The following RNF213 variants were observed in gnomAD, a reference collection of about 807,000 sequenced individuals.
The protein encoded by RNF213 is E3 ubiquitin-protein ligase RNF213.
In RNF213, 341 loss-of-function variants were observed where a neutral mutation model predicts 514.4. The observed-to-expected ratio is 0.66, with a 90% CI of 0.61 to 0.73. The LOEUF is 0.73. Ranked by LOEUF, RNF213 falls within the 30% of genes least tolerant of loss-of-function variation. RNF213 has a pLI of 0.00. For synonymous variants in RNF213, 2,655 were observed against 2,658.2 expected, an observed-to-expected ratio of 1.00 and a Z score of 0.04; for missense variants, 5,767 against 6,615.6, an observed-to-expected ratio of 0.87 and a Z score of 4.45.
At chr17:80,307,687 T>G (rs2045417181) in intron 13 of RNF213, among the ~76,000 whole-genome samples, 2 of 152,044 alleles carry the variant, frequency 1.3e-5, no homozygotes, top group Non-Finnish European at 1.5e-5. Context: ...GTAGCTGGGA[T>G]TACAGGCGCA....
intron 56 of RNF213, 199 bp downstream of exon 56, chr17:80,381,186 T>C: frequency 3.1e-6 from 2 of 651,922 alleles, no homozygotes; most frequent in South Asian, 1.8e-5. Context: ...CTCCCCAGAT[T>C]ATACAGAATC....
In RNF213 at chr17:80,288,522, G is replaced by C; in HGVS notation, c.811-111G>C. On this transcript the variant is annotated intron_variant, in intron 4 of 67. Transcript: ENST00000582970. The surrounding 1 kb of genome is among the most constrained non-coding windows in gnomAD (Gnocchi z 4.9). ...GGAGGGCTGCCCCTCCACTGGGGAT[G>C]CCAGCCCACCCTGTCCCTCGGCTTG... The C allele has an allele frequency of 6.2e-7, 1 of 1,607,664 alleles. No individual in the cohort carries two copies. The highest frequency in any genetic ancestry group is 8.5e-7 in the Non-Finnish European group (1 of 1,176,400).
At chr17:80,318,232 TAA>T (rs140041733) in intron 16 of RNF213, among the ~76,000 whole-genome samples, 4,851 of 152,164 alleles carry the variant, frequency 0.032, 270 homozygotes, top group African/African-American at 0.11. Flanking sequence ...ATTCTATTGG[TAA>T]AAAGACATTA....
chr17:80,397,554 C>T lies in RNF213; in HGVS notation c.*4056C>T, dbSNP rs942364451. The stretch of plus-strand genomic sequence containing the variant: ...AATCCCTGTCCTGTTCTGTTCCGTT[C>T]TAATTACGGGTGCATGCAGCCCCCA... On this transcript the variant is annotated 3_prime_UTR_variant, in exon 68 of 68. Coordinates refer to ENST00000582970, the MANE Select transcript of RNF213 (RefSeq NM_001256071.3). 9.2e-5 allele frequency: 14 copies of T among 151,996 alleles called. No homozygotes were observed. Among genetic ancestry groups the T allele is most frequent in the African/African-American group, 3.4e-4 (14 of 41,356 alleles). The allele number at this position is 151,996 out of a possible 1,614,324, so 9.4% of individuals were successfully genotyped here. A position where few individuals can be genotyped will look rare whatever the true frequency, so the allele number is the denominator to read the frequency against.
intron 10 of RNF213, among the ~76,000 whole-genome samples, chr17:80,297,077 A>G (rs1373917716): frequency 6.6e-6 from 1 of 152,194 alleles, no homozygotes; most frequent in Non-Finnish European, 1.5e-5. Flanking sequence ...GCCGGGGCTT[A>G]AAGTATGAGG....
Position 80,354,077 on chromosome 17 carries a change from T to C in RNF213, c.10637T>C (p.Met3546Thr), listed in dbSNP as rs757505353. The C allele has an allele frequency of 2.0e-5, 33 of 1,614,062 alleles. No individual in the cohort carries two copies. The highest frequency in any genetic ancestry group is 3.3e-5 in the Admixed American group (2 of 60,032). Residue 3546 changes from methionine to threonine, a missense_variant, in exon 35 of 68, where the codon ATG (methionine) becomes ACG (threonine). Met to Thr is a moderately conservative substitution (Grantham distance 81). Around this residue, in one of 13 missense-constraint regions of RNF213, gnomAD observed 919 missense variants for 1,121.0 expected, o/e 0.82. Transcript: ENST00000582970. ...AGCTGTGTGCAGAGCGCCGTGGGCA[T>C]GCTCAGAGACCAGAACGAGAGCTGC... The part of the protein sequence containing the change: ...LRSCVQSAVG[M>T]LRDQNESCTR...
intron 48 of RNF213, 84 bp downstream of exon 48, chr17:80,372,818 G>A (rs1006240533): frequency 2.8e-6 from 4 of 1,435,236 alleles, no homozygotes; most frequent in African/African-American, 1.4e-5. Context: ...CTAGTTCTTC[G>A]AATAGACTAC....
chr17:80,272,554 A>G (rs2145140392), intron 2 of RNF213, among the ~76,000 whole-genome samples: 1 of 152,234 alleles, frequency 6.6e-6, no homozygotes, highest in South Asian at 2.1e-4. Context: ...ATGACCGCAA[A>G]CGGCACCAAG....
In RNF213 at chr17:80,358,323, C is replaced by G; in HGVS notation, c.10898C>G (p.Thr3633Ser). 1 of 1,614,132 alleles carries G rather than the reference C, an allele frequency of 6.2e-7. No homozygotes were observed. The highest frequency in any genetic ancestry group is 8.5e-7 in the Non-Finnish European group (1 of 1,180,004). Residue 3633 changes from threonine to serine, a missense_variant, in exon 37 of 68, where the codon ACC (threonine) becomes AGC (serine). Physicochemically the swap from Thr to Ser is moderately conservative, Grantham distance 58. Coordinates refer to ENST00000582970, the MANE Select transcript of RNF213 (RefSeq NM_001256071.3). ...TLWKRVQGAV[T>S]PLLASMISFI... Reference sequence around the variant, plus strand: ...TGGAAGCGGGTCCAAGGTGCTGTCACCCCTCTGCTGGCGAGCATGATATCA... The same window carrying G: ...TGGAAGCGGGTCCAAGGTGCTGTCAGCCCTCTGCTGGCGAGCATGATATCA...
intron 1 of RNF213, among the ~76,000 whole-genome samples, chr17:80,262,851 T>A (rs1396851621): frequency 6.6e-6 from 1 of 152,012 alleles, no homozygotes; most frequent in East Asian, 1.9e-4. Context: ...GGCCTGAGTG[T>A]CCTCCTGGCT....
chr17:80,389,059 G>A, intron 64 of RNF213, 114 bp from the exon 65 acceptor site: 2 of 997,700 alleles, frequency 2.0e-6, no homozygotes, highest in Admixed American at 1.8e-5. Context: ...AGCTGTTAGA[G>A]AGTTGGCCCC....
At chr17:80,284,430 G>A (rs1412495861) in intron 3 of RNF213, among the ~76,000 whole-genome samples, 1 of 152,082 alleles carries the variant, frequency 6.6e-6, no homozygotes, top group Non-Finnish European at 1.5e-5. Flanking sequence ...TGTAATCCCA[G>A]CTACTCAGGA....
intron 29 of RNF213, among the ~76,000 whole-genome samples, chr17:80,349,361 G>T (rs1444055741): frequency 1.3e-5 from 2 of 152,162 alleles, no homozygotes; most frequent in South Asian, 2.1e-4. Context: ...TGACCTTTGG[G>T]ACAGGAGAAT....
chr17:80,285,401 G>GGGAC (rs1430472292), intron 3 of RNF213, among the ~76,000 whole-genome samples: 4 of 152,230 alleles, frequency 2.6e-5, no homozygotes, highest in African/African-American at 4.8e-5. Flanking sequence ...TGGCCGGGCA[G>GGGAC]GGACGGCGTC....
intron 14 of RNF213, among the ~76,000 whole-genome samples, chr17:80,310,497 C>T (rs549004087): frequency 3.3e-5 from 5 of 152,122 alleles, no homozygotes; most frequent in Non-Finnish European, 7.3e-5. Context: ...ACGTGATCCA[C>T]CTGCCTTGGC....
intron 14 of RNF213, among the ~76,000 whole-genome samples, chr17:80,311,489 GC>G (rs1428579813): frequency 2.0e-5 from 3 of 152,164 alleles, no homozygotes; most frequent in African/African-American, 7.2e-5. Context: ...GTCGGCCCCC[GC>G]CCCCTGCGTG....
chr17:80,380,460 T>C (rs773658405), intron 55 of RNF213, among the ~76,000 whole-genome samples: 2 of 152,172 alleles, frequency 1.3e-5, no homozygotes, highest in African/African-American at 4.8e-5. Flanking sequence ...GAGAACAATA[T>C]GGACACCCAT....
chr17:80,268,715 T>C (rs960986078), intron 2 of RNF213, among the ~76,000 whole-genome samples: 2 of 152,208 alleles, frequency 1.3e-5, no homozygotes, highest in South Asian at 4.1e-4. Context: ...TATCCATCCA[T>C]CTTATCTATC....
intron 20 of RNF213, among the ~76,000 whole-genome samples, chr17:80,330,981 C>T (rs986310297): frequency 6.6e-6 from 1 of 152,190 alleles, no homozygotes; most frequent in Non-Finnish European, 1.5e-5. Flanking sequence ...CCACGTCCAG[C>T]TAGTTTTTTG....
Sources: allele counts gnomAD v4.1 joint callset (sites outside exome capture counted in the v4.1 genomes callset), GRCh38; gene constraint gnomAD v4.1.1; regional missense constraint gnomAD v4.1.1; non-coding constraint Gnocchi (gnomAD v3.1); transcripts MANE v1.5; gene names NCBI Gene and HGNC (gene_info 2026-07-23, HGNC 2026-07-21).